The following CPA6 variants were observed in gnomAD, a reference collection of about 807,000 sequenced individuals.
The protein encoded by CPA6 is carboxypeptidase A6.
CPA6 carries 58 observed loss-of-function variants against 63.3 expected under a neutral mutation model. That is an observed-to-expected ratio of 0.92 (90% CI 0.74 to 1.14). CPA6 has a LOEUF of 1.14. CPA6 is among the 50% of genes most tolerant of loss of function. The pLI is 0.00. For synonymous variants in CPA6, 185 were observed against 179.0 expected, an observed-to-expected ratio of 1.03 and a Z score of -0.27; for missense variants, 565 against 526.6, an observed-to-expected ratio of 1.07 and a Z score of -0.71.
At chr8:67,716,350 T>C (rs1817381399) in intron 1 of CPA6, among the ~76,000 whole-genome samples, 1 of 152,014 alleles carries the variant, frequency 6.6e-6, no homozygotes. Context: ...TAGGGAGAGA[T>C]GAGACATCAA....
At chr8:67,645,423 A>C (rs1202020421) in intron 1 of CPA6, among the ~76,000 whole-genome samples, 1 of 152,196 alleles carries the variant, frequency 6.6e-6, no homozygotes, top group African/African-American at 2.4e-5. Context: ...TTAGGCAACA[A>C]ATGCAGGACA....
intron 8 of CPA6, among the ~76,000 whole-genome samples, chr8:67,451,979 T>A (rs1265866169): frequency 6.6e-6 from 1 of 152,210 alleles, no homozygotes; most frequent in Admixed American, 6.5e-5. Flanking sequence ...TAGGTACAAA[T>A]CAATGCTTAT....
At chr8:67,438,248 A>C (rs565018600) in intron 8 of CPA6, among the ~76,000 whole-genome samples, 4 of 152,324 alleles carry the variant, frequency 2.6e-5, no homozygotes, top group Admixed American at 2.6e-4. Context: ...GGAAAGATTG[A>C]ATAGACTTAT....
intron 8 of CPA6, among the ~76,000 whole-genome samples, chr8:67,468,975 C>T (rs1447809290): frequency 1.3e-5 from 2 of 152,236 alleles, no homozygotes; most frequent in African/African-American, 4.8e-5. Flanking sequence ...TATTCACCTT[C>T]TGCCCTACAG....
intron 1 of CPA6, among the ~76,000 whole-genome samples, chr8:67,743,384 G>A (rs558809199): frequency 4.0e-4 from 61 of 152,128 alleles, no homozygotes; most frequent in Non-Finnish European, 2.2e-4. Context: ...GGGTACATGA[G>A]ATGTTTTGAC....
intron 1 of CPA6, among the ~76,000 whole-genome samples, chr8:67,704,058 TTA>T (rs1817082050): frequency 6.6e-6 from 1 of 152,168 alleles, no homozygotes; most frequent in Admixed American, 6.5e-5. Context: ...GGTTCCTCCT[TTA>T]TGTCAGGTGG....
chr8:67,643,890 G>A (rs904502212), intron 1 of CPA6, among the ~76,000 whole-genome samples: 1 of 152,222 alleles, frequency 6.6e-6, no homozygotes, highest in East Asian at 1.9e-4. Context: ...CTGAGGTAGC[G>A]ATGTCTATAG....
intron 10 of CPA6, among the ~76,000 whole-genome samples, chr8:67,426,366 TA>T (rs748442567): frequency 6.6e-6 from 1 of 152,200 alleles, no homozygotes; most frequent in Non-Finnish European, 1.5e-5. Flanking sequence ...TTAGTAAGAT[TA>T]AAAAACGTTA....
chr8:67,673,493 C>T (rs1316944401), intron 1 of CPA6, among the ~76,000 whole-genome samples: 1 of 150,892 alleles, frequency 6.6e-6, no homozygotes, highest in South Asian at 2.1e-4. Context: ...ATGCCGTTCT[C>T]CTGCCTCAGC....
At chr8:67,468,303 T>C (rs1362197113) in intron 8 of CPA6, among the ~76,000 whole-genome samples, 1 of 152,032 alleles carries the variant, frequency 6.6e-6, no homozygotes, top group Non-Finnish European at 1.5e-5. Context: ...GTGAAATTGA[T>C]GTGCCCTGGC....
intron 1 of CPA6, among the ~76,000 whole-genome samples, chr8:67,740,816 T>A (rs977256981): frequency 6.6e-6 from 1 of 152,124 alleles, no homozygotes; most frequent in Non-Finnish European, 1.5e-5. Flanking sequence ...GTGATCCACC[T>A]GCCTCGGCCT....
intron 2 of CPA6, among the ~76,000 whole-genome samples, chr8:67,523,149 C>T (rs1408601279): frequency 1.3e-5 from 2 of 152,154 alleles, no homozygotes; most frequent in Admixed American, 6.5e-5. Flanking sequence ...ACTTCAGTTT[C>T]CTCATTTATT....
At chr8:67,679,855 C>T (rs1816556119) in intron 1 of CPA6, among the ~76,000 whole-genome samples, 1 of 152,158 alleles carries the variant, frequency 6.6e-6, no homozygotes, top group African/African-American at 2.4e-5. Context: ...TGTCTCACTT[C>T]CTCTGTTAGT....
intron 2 of CPA6, among the ~76,000 whole-genome samples, chr8:67,597,258 G>A (rs528829387): frequency 6.7e-6 from 1 of 149,628 alleles, no homozygotes; most frequent in Non-Finnish European, 1.5e-5. Flanking sequence ...GAGTGCAGTG[G>A]CGTGATCTCA....
intron 1 of CPA6, among the ~76,000 whole-genome samples, chr8:67,674,250 C>A (rs1816419430): frequency 6.6e-6 from 1 of 152,194 alleles, no homozygotes; most frequent in African/African-American, 2.4e-5. Flanking sequence ...ACTGCAGAGA[C>A]TACCTGAGCA....
chr8:67,707,913 C>CA (rs35572918), intron 1 of CPA6, among the ~76,000 whole-genome samples: 34,084 of 126,664 alleles, frequency 0.27, 4,199 homozygotes, highest in South Asian at 0.38. Context: ...GACTCCATCT[C>CA]AAAAAAAAAA....
chr8:67,461,840 G>A (rs144248661), intron 8 of CPA6, among the ~76,000 whole-genome samples: 4,531 of 152,250 alleles, frequency 0.03, 209 homozygotes, highest in African/African-American at 0.1. Flanking sequence ...CCTCCCTCCC[G>A]GATGGGGCGC....
chr8:67,593,437 C>G (rs1202634619), intron 2 of CPA6, among the ~76,000 whole-genome samples: 4 of 152,072 alleles, frequency 2.6e-5, no homozygotes, highest in Non-Finnish European at 4.4e-5. Context: ...TCCTGGGTAT[C>G]CTTGTTAACT....
At chr8:67,511,429 T>C (rs1812040138) in intron 4 of CPA6, 112 bp downstream of exon 4, 2 of 673,612 alleles carry the variant, frequency 3.0e-6, no homozygotes, top group Admixed American at 2.3e-5. Flanking sequence ...TAGTACCTTC[T>C]CTGTCTTTAT....
Sources: allele counts gnomAD v4.1 joint callset (sites outside exome capture counted in the v4.1 genomes callset), GRCh38; gene constraint gnomAD v4.1.1; transcripts MANE v1.5; gene names NCBI Gene and HGNC (gene_info 2026-07-23, HGNC 2026-07-21).